The following KAZN variants were observed in gnomAD, a reference collection of about 807,000 sequenced individuals.
The protein encoded by KAZN is kazrin.
Under a neutral mutation model 87.4 loss-of-function variants are expected in KAZN, and 40 were observed. The observed-to-expected ratio is 0.46, with a 90% CI of 0.36 to 0.60. The LOEUF (loss-of-function observed/expected upper bound fraction) is 0.60. KAZN is among the 20% of genes least tolerant of loss of function. The pLI, the probability that KAZN is intolerant of heterozygous loss-of-function variation, is 0.00. For missense variants in KAZN, 898 were observed against 1,073.9 expected (o/e 0.84, Z 2.29); for synonymous variants, 466 against 458.3 (o/e 1.02, Z -0.22).
intron 1 of KAZN, among the ~76,000 whole-genome samples, chr1:13,955,061 G>T (rs927077248): frequency 2.6e-5 from 4 of 152,152 alleles, no homozygotes; most frequent in Non-Finnish European, 4.4e-5. Flanking sequence ...ATGTTGAAAG[G>T]TCCTCAGAAA....
At chr1:14,451,971 G>A (rs1048870269) in intron 2 of KAZN, among the ~76,000 whole-genome samples, 6 of 151,970 alleles carry the variant, frequency 3.9e-5, no homozygotes, top group African/African-American at 7.3e-5. Flanking sequence ...ATGGAGTCTC[G>A]CTCTGTCACC....
intron 1 of KAZN, among the ~76,000 whole-genome samples, chr1:13,914,844 G>A (rs1639784203): frequency 6.6e-6 from 1 of 152,162 alleles, no homozygotes; most frequent in Non-Finnish European, 1.5e-5. Context: ...ACAGCTGCAA[G>A]GAAATAAGTC....
At chr1:14,450,725 T>A (rs1667226686) in intron 2 of KAZN, among the ~76,000 whole-genome samples, 2 of 152,124 alleles carry the variant, frequency 1.3e-5, no homozygotes, top group African/African-American at 4.8e-5. Context: ...ACCCCGGACA[T>A]CAAGTGTGGG....
chr1:14,690,632 G>A (rs1409321588), intron 1 of KAZN, among the ~76,000 whole-genome samples: 2 of 152,134 alleles, frequency 1.3e-5, no homozygotes, highest in East Asian at 3.9e-4. Context: ...TCACCAAGAA[G>A]GAATGCTGCT....
chr1:14,018,589 T>C (rs1640677436), intron 1 of KAZN, among the ~76,000 whole-genome samples: 1 of 152,242 alleles, frequency 6.6e-6, no homozygotes, highest in East Asian at 1.9e-4. Context: ...TCAGAGGAGA[T>C]TGGCATGTGA....
At chr1:14,630,757 C>T (rs777228057) in intron 1 of KAZN, among the ~76,000 whole-genome samples, 1 of 152,114 alleles carries the variant, frequency 6.6e-6, no homozygotes, top group African/African-American at 2.4e-5. Context: ...ACTCTGAAAT[C>T]AGACAAGCCT....
intron 2 of KAZN, among the ~76,000 whole-genome samples, chr1:14,376,035 T>A (rs541176073): frequency 1.3e-5 from 2 of 152,198 alleles, no homozygotes; most frequent in East Asian, 3.9e-4. Flanking sequence ...TGACTTTGGG[T>A]CATTAGTTAA....
chr1:14,385,467 T>G (rs1661791768), intron 2 of KAZN, among the ~76,000 whole-genome samples: 1 of 152,178 alleles, frequency 6.6e-6, no homozygotes, highest in Non-Finnish European at 1.5e-5. Flanking sequence ...TAAATTTCCC[T>G]CCACACACTG....
chr1:14,134,820 A>T (rs1645069515), intron 1 of KAZN, among the ~76,000 whole-genome samples: 3 of 152,156 alleles, frequency 2.0e-5, no homozygotes, highest in African/African-American at 7.2e-5. Flanking sequence ...CACATAAACA[A>T]GTTGCCAGCA....
intron 2 of KAZN, among the ~76,000 whole-genome samples, chr1:14,245,863 T>A (rs986573917): frequency 6.6e-6 from 1 of 152,184 alleles, no homozygotes; most frequent in African/African-American, 2.4e-5. Flanking sequence ...CATTTTATTA[T>A]AAAGATACAT....
chr1:14,139,717 C>T (rs947595718), intron 1 of KAZN, among the ~76,000 whole-genome samples: 7 of 152,182 alleles, frequency 4.6e-5, no homozygotes, highest in East Asian at 1.9e-4. Flanking sequence ...GCTGCAGGGC[C>T]GTAGAGGAGA....
chr1:15,097,116 G>T lies in KAZN; in HGVS notation c.1547+2183G>T, dbSNP rs573001896. On this transcript the variant is annotated intron_variant, in intron 10 of 14. Transcript: ENST00000376030. ...CTCTCTGGGACTGTTTCCCACCTGA[G>T]AAGTGAAGGGAGTTAAATTAGGACA... is the stretch of plus-strand genomic sequence containing the variant. Among the ~76,000 whole-genome samples the T allele has an allele frequency of 4.2e-3, 633 of 152,228 alleles. 1 individual carries two copies. Among genetic ancestry groups the T allele is most frequent in the Non-Finnish European group, 7.9e-3 (540 of 68,028 alleles).
chr1:14,340,673 A>C (rs1349652390), intron 2 of KAZN, among the ~76,000 whole-genome samples: 2 of 152,160 alleles, frequency 1.3e-5, no homozygotes, highest in Non-Finnish European at 2.9e-5. Flanking sequence ...GTCTGTAGGC[A>C]TACAAATTCC....
chr1:14,523,291 A>T (rs1233718583), intron 2 of KAZN, among the ~76,000 whole-genome samples: 1 of 152,116 alleles, frequency 6.6e-6, no homozygotes, highest in Non-Finnish European at 1.5e-5. Context: ...CTCGCTCTTC[A>T]TGTCCCTCCC....
chr1:14,458,306 T>G (rs2148344577), intron 2 of KAZN, among the ~76,000 whole-genome samples: 1 of 152,360 alleles, frequency 6.6e-6, no homozygotes, highest in Admixed American at 6.5e-5. Context: ...GAGCTTACCA[T>G]ATTTCTAACA....
intron 2 of KAZN, among the ~76,000 whole-genome samples, chr1:14,545,812 T>A (rs12563496): frequency 7.2e-5 from 11 of 151,972 alleles, no homozygotes; most frequent in African/African-American, 2.2e-4. Context: ...GAGAAAGTGG[T>A]GAGTCACACT....
intron 1 of KAZN, among the ~76,000 whole-genome samples, chr1:14,618,600 A>C (rs1678442925): frequency 6.6e-6 from 1 of 152,240 alleles, no homozygotes; most frequent in South Asian, 2.1e-4. Flanking sequence ...TTTTATTAGT[A>C]GTCCAATTTT....
intron 8 of KAZN, among the ~76,000 whole-genome samples, chr1:15,073,131 G>A (rs551990488): frequency 1.3e-5 from 2 of 152,308 alleles, no homozygotes; most frequent in African/African-American, 4.8e-5. Context: ...CTGGACTTCC[G>A]TGTACGAGTC....
chr1:14,292,773 A>G (rs1033157973), intron 2 of KAZN, among the ~76,000 whole-genome samples: 1 of 152,220 alleles, frequency 6.6e-6, no homozygotes, highest in African/African-American at 2.4e-5. Context: ...AGGCTCACAC[A>G]TCTGATGGAT....
Sources: allele counts gnomAD v4.1 joint callset (sites outside exome capture counted in the v4.1 genomes callset), GRCh38; gene constraint gnomAD v4.1.1; transcripts MANE v1.5; gene names NCBI Gene and HGNC (gene_info 2026-07-23, HGNC 2026-07-21).